The following CPNE4 variants were observed in gnomAD, a reference collection of about 807,000 sequenced individuals.
The protein encoded by CPNE4 is copine-4.
Under a neutral mutation model 67.9 loss-of-function variants are expected in CPNE4, and 25 were observed. That is an observed-to-expected ratio of 0.37 (90% confidence interval 0.27 to 0.51). The LOEUF (loss-of-function observed/expected upper bound fraction) is 0.51, where lower values mean the gene tolerates loss of function less well. CPNE4 is among the 20% of genes least tolerant of loss of function. The pLI, the probability that CPNE4 is intolerant of heterozygous loss-of-function variation, is 0.93. For missense variants in CPNE4, 464 were observed against 690.8 expected, an observed-to-expected ratio of 0.67 and a Z score of 3.68; for synonymous variants, 242 against 244.9, an observed-to-expected ratio of 0.99 and a Z score of 0.11.
chr3:131,563,678 T>C (rs6439304), intron 11 of CPNE4, among the ~76,000 whole-genome samples: 17,179 of 152,038 alleles, frequency 0.11, 2,134 homozygotes, highest in African/African-American at 0.31. Context: ...GGCTAAGCTG[T>C]GGAGTGGGTA....
chr3:131,575,920 A>G (rs909797213), intron 9 of CPNE4, among the ~76,000 whole-genome samples: 3 of 151,932 alleles, frequency 2.0e-5, no homozygotes, highest in Admixed American at 6.6e-5. Context: ...TCTGGTCTTA[A>G]TTTACATTTC....
intron 9 of CPNE4, among the ~76,000 whole-genome samples, chr3:131,578,998 C>G (rs567185274): frequency 6.6e-6 from 1 of 152,014 alleles, no homozygotes; most frequent in Non-Finnish European, 1.5e-5. Flanking sequence ...CACTAAACAA[C>G]GGATTTTCAT....
chr3:131,984,890 G>A (rs1370233979), intron 1 of CPNE4, among the ~76,000 whole-genome samples: 1 of 152,114 alleles, frequency 6.6e-6, no homozygotes, highest in Non-Finnish European at 1.5e-5. Flanking sequence ...AAATGTGTGT[G>A]GTAATCCACT....
chr3:131,545,653 A>G (rs1025796950), intron 14 of CPNE4, among the ~76,000 whole-genome samples: 1 of 152,272 alleles, frequency 6.6e-6, no homozygotes, highest in Non-Finnish European at 1.5e-5. Context: ...ATGTAAATAC[A>G]GAAGCATTTT....
chr3:131,709,901 C>T (rs1487630348), intron 3 of CPNE4, among the ~76,000 whole-genome samples: 2 of 152,172 alleles, frequency 1.3e-5, no homozygotes, highest in Non-Finnish European at 2.9e-5. Context: ...TCCTGACATT[C>T]CTACCTAAAT....
At chr3:131,789,043 G>C (rs920155697) in intron 2 of CPNE4, among the ~76,000 whole-genome samples, 159 of 146,360 alleles carry the variant, frequency 1.1e-3, no homozygotes, top group African/African-American at 2.9e-3. Context: ...CACAGAGAGA[G>C]AGAGAGAGAG....
intron 1 of CPNE4, among the ~76,000 whole-genome samples, chr3:131,986,800 C>A (rs2073055077): frequency 7.4e-6 from 1 of 134,234 alleles, no homozygotes; most frequent in Non-Finnish European, 1.5e-5. Context: ...CACTGCACTC[C>A]AGCCTGGGCG....
In CPNE4 at chr3:131,875,221, T is replaced by TA. The variant is rs567513329; in HGVS notation, c.180+30042dup. 9.9e-4 allele frequency among the ~76,000 whole-genome samples: 147 copies of TA among 148,834 alleles called. 1 individual carries two copies. Among genetic ancestry groups the TA allele is most frequent in the African/African-American group, 2.9e-3 (120 of 40,696 alleles). On this transcript the variant is annotated intron_variant, in intron 2 of 15. Transcript: ENST00000429747. ...GGCACTAAATAGATACATTATCACTTAAAAAAAAAAGACTAAATCTTTCAA... is the reference window on the plus strand; with the variant it reads ...GGCACTAAATAGATACATTATCACTTAAAAAAAAAAAGACTAAATCTTTCAA...
intron 3 of CPNE4, among the ~76,000 whole-genome samples, chr3:131,712,817 A>G (rs1177723269): frequency 6.6e-6 from 1 of 152,234 alleles, no homozygotes; most frequent in East Asian, 1.9e-4. Context: ...TGTAGGGGAA[A>G]CACAAGGGCT....
chr3:131,778,334 C>T (rs1042618437), intron 2 of CPNE4, among the ~76,000 whole-genome samples: 4 of 151,988 alleles, frequency 2.6e-5, no homozygotes, highest in East Asian at 1.9e-4. Flanking sequence ...ATGTCTAGCT[C>T]GAGTCTTGGA....
At chr3:131,889,876 G>A (rs563743464) in intron 2 of CPNE4, among the ~76,000 whole-genome samples, 1 of 152,126 alleles carries the variant, frequency 6.6e-6, no homozygotes, top group Non-Finnish European at 1.5e-5. Flanking sequence ...TATTGGGAAA[G>A]CCAGATGTCC....
At chr3:131,982,260 T>G (rs558593163) in intron 1 of CPNE4, among the ~76,000 whole-genome samples, 1 of 152,364 alleles carries the variant, frequency 6.6e-6, no homozygotes, top group Non-Finnish European at 1.5e-5. Context: ...TGAGCCATTT[T>G]AAACTGGTTA....
At chr3:131,769,674 C>T (rs28455632) in intron 2 of CPNE4, among the ~76,000 whole-genome samples, 12,416 of 152,152 alleles carry the variant, frequency 0.082, 692 homozygotes, top group Non-Finnish European at 0.12. Flanking sequence ...TTCCTATTTG[C>T]TTACTTTCTC....
intron 9 of CPNE4, among the ~76,000 whole-genome samples, chr3:131,580,492 G>A (rs577275730): frequency 0.029 from 4,134 of 144,006 alleles, 219 homozygotes; most frequent in African/African-American, 0.1. Flanking sequence ...ACACACACAC[G>A]CACACACACA....
chr3:131,749,648 C>T (rs1030059228), intron 2 of CPNE4, among the ~76,000 whole-genome samples: 7 of 152,088 alleles, frequency 4.6e-5, no homozygotes, highest in Admixed American at 3.9e-4. Context: ...CATGTATACA[C>T]ATTTAAGATT....
intron 1 of CPNE4, among the ~76,000 whole-genome samples, chr3:131,976,023 T>C (rs1405567474): frequency 2.0e-5 from 3 of 151,226 alleles, no homozygotes; most frequent in Non-Finnish European, 4.4e-5. Context: ...TGGATGCTGA[T>C]ATTTAAAAAA....
At chr3:131,787,803 T>C (rs2083607044) in intron 2 of CPNE4, among the ~76,000 whole-genome samples, 1 of 152,158 alleles carries the variant, frequency 6.6e-6, no homozygotes, top group South Asian at 2.1e-4. Flanking sequence ...GAAGGCAGAA[T>C]CTGGAAACTA....
rs558715117 is a variant in CPNE4 at position 131,924,080 on chromosome 3, C to T, written c.-1-18636G>A. Among the ~76,000 whole-genome samples the T allele has an allele frequency of 7.2e-5, 11 of 152,312 alleles. No individual in the cohort carries two copies. In the South Asian group the frequency reaches 2.1e-3, roughly 29 times the overall value. ...TTGTGATAGTGGCTACTTGCAGGGT[C>T]TTCCAGACATTACGTGTCCCCTGGG... On this transcript the variant is annotated intron_variant, in intron 1 of 15. Transcript: ENST00000429747.
At chr3:131,582,771 A>G (rs1322020045) in intron 8 of CPNE4, among the ~76,000 whole-genome samples, 2 of 152,244 alleles carry the variant, frequency 1.3e-5, no homozygotes, top group East Asian at 1.9e-4. Flanking sequence ...AAAGCCTACA[A>G]TGGTCTCCAG....
Sources: allele counts gnomAD v4.1 joint callset (sites outside exome capture counted in the v4.1 genomes callset), GRCh38; gene constraint gnomAD v4.1.1; transcripts MANE v1.5; gene names NCBI Gene and HGNC (gene_info 2026-07-23, HGNC 2026-07-21).